DCC: variants seen among roughly 807,000 people sequenced by gnomAD.
DCC encodes DCC netrin 1 receptor.
DCC carries 58 observed loss-of-function variants against 172.5 expected under a neutral mutation model. That is an observed-to-expected ratio of 0.34 (90% confidence interval 0.27 to 0.42). The LOEUF (loss-of-function observed/expected upper bound fraction) is 0.42. DCC is among the 10% of genes least tolerant of loss of function. The pLI is 1.00. For synonymous variants in DCC, 709 were observed against 644.5 expected (o/e 1.10, Z -1.52); for missense variants, 1,740 against 1,791.0 (o/e 0.97, Z 0.51).
intron 1 of DCC, among the ~76,000 whole-genome samples, chr18:52,595,207 A>C (rs983947829): frequency 6.6e-6 from 1 of 152,210 alleles, no homozygotes. Context: ...GATGTTATCG[A>C]CTAACAAGTC....
intron 2 of DCC, among the ~76,000 whole-genome samples, chr18:52,829,116 A>G (rs1331880967): frequency 6.6e-6 from 1 of 152,166 alleles, no homozygotes; most frequent in Non-Finnish European, 1.5e-5. Context: ...TCATTTCCCT[A>G]TTTTATCTGA....
intron 19 of DCC, among the ~76,000 whole-genome samples, chr18:53,406,880 G>T (rs562333474): frequency 1.3e-5 from 2 of 152,100 alleles, no homozygotes; most frequent in East Asian, 1.9e-4. Context: ...GAAGTTGCTT[G>T]TTTTCTCTGA....
chr18:52,753,826 T>G (rs975423187), intron 2 of DCC, among the ~76,000 whole-genome samples: 1 of 152,232 alleles, frequency 6.6e-6, no homozygotes, highest in Non-Finnish European at 1.5e-5. Context: ...TGTTGGCCCC[T>G]GAAATGTTAG....
At chr18:53,199,573 T>C (rs8084239) in intron 9 of DCC, among the ~76,000 whole-genome samples, 70,376 of 150,912 alleles carry the variant, frequency 0.47, 17,277 homozygotes, top group Non-Finnish European at 0.52. Context: ...TCATAATTAA[T>C]GTAAATAATA....
At chr18:52,566,634 AT>A (rs2144750214) in intron 1 of DCC, among the ~76,000 whole-genome samples, 1 of 152,280 alleles carries the variant, frequency 6.6e-6, no homozygotes, top group South Asian at 2.1e-4. Flanking sequence ...AAAAATTAAA[AT>A]TTTAAATTTA....
At chr18:53,145,363 T>G (rs1335360630) in intron 7 of DCC, among the ~76,000 whole-genome samples, 5 of 152,110 alleles carry the variant, frequency 3.3e-5, no homozygotes, top group African/African-American at 1.2e-4. Context: ...TCCGCCCGCC[T>G]CGGCCTCCCG....
chr18:53,484,802 T>A (rs561712031), intron 25 of DCC, among the ~76,000 whole-genome samples: 2 of 152,190 alleles, frequency 1.3e-5, no homozygotes, highest in South Asian at 2.1e-4. Flanking sequence ...ATTTTAAGAT[T>A]TTTTTCTATC....
intron 12 of DCC, among the ~76,000 whole-genome samples, chr18:53,228,601 T>C (rs935273701): frequency 1.3e-4 from 20 of 152,122 alleles, no homozygotes; most frequent in African/African-American, 4.8e-4. Context: ...CTACCTATGA[T>C]AAAGGTAGCA....
At chr18:52,447,269 A>G (rs2144508316) in intron 1 of DCC, among the ~76,000 whole-genome samples, 1 of 152,358 alleles carries the variant, frequency 6.6e-6, no homozygotes, top group South Asian at 2.1e-4. Flanking sequence ...ATCTTCAACA[A>G]GTAGCCAGTG....
At chr18:53,041,109 C>CAT (rs1397502239) in intron 5 of DCC, among the ~76,000 whole-genome samples, 34 of 87,684 alleles carry the variant, frequency 3.9e-4, no homozygotes, top group African/African-American at 1.9e-3. Flanking sequence ...AGTCTTTGCC[C>CAT]GTGCCTAGGT....
chr18:53,289,174 T>C (rs954831118), intron 12 of DCC, among the ~76,000 whole-genome samples: 1 of 152,138 alleles, frequency 6.6e-6, no homozygotes, highest in African/African-American at 2.4e-5. Flanking sequence ...AGATTTGATA[T>C]TTATTCCTTT....
At chr18:52,992,740 C>T (rs536817119) in intron 5 of DCC, among the ~76,000 whole-genome samples, 2 of 152,200 alleles carry the variant, frequency 1.3e-5, no homozygotes, top group Non-Finnish European at 2.9e-5. Flanking sequence ...CTTAAGGAGG[C>T]CAAGGTGGGT....
chr18:53,104,467 G>A (rs1302822157), intron 7 of DCC, among the ~76,000 whole-genome samples: 1 of 151,980 alleles, frequency 6.6e-6, no homozygotes, highest in Non-Finnish European at 1.5e-5. Context: ...GCTCCTCCTT[G>A]CCTTCCACCA....
intron 26 of DCC, among the ~76,000 whole-genome samples, chr18:53,497,869 T>G (rs1598808562): frequency 6.6e-6 from 1 of 152,344 alleles, no homozygotes; most frequent in East Asian, 1.9e-4. Context: ...AATAAGGCAC[T>G]TCTCTTCAAA....
intron 21 of DCC, among the ~76,000 whole-genome samples, chr18:53,419,542 C>CT (rs1389262449): frequency 1.3e-5 from 2 of 151,752 alleles, no homozygotes; most frequent in African/African-American, 2.4e-5. Flanking sequence ...GATTTTTTCC[C>CT]TTTTTTTCTA....
At chr18:53,102,677 G>A (rs1013646930) in intron 7 of DCC, among the ~76,000 whole-genome samples, 5 of 152,026 alleles carry the variant, frequency 3.3e-5, no homozygotes, top group Admixed American at 1.3e-4. Context: ...ATGGGCATAC[G>A]GGCACCAGAT....
In DCC at chr18:52,974,643, A is replaced by C. The variant is rs1044321867; in HGVS notation, c.985+49273A>C. 2.0e-5 allele frequency among the ~76,000 whole-genome samples: 3 copies of C among 152,190 alleles called. No homozygotes were observed. The East Asian group carries it at 5.8e-4, about 29-fold the overall frequency. On this transcript the variant is annotated intron_variant, in intron 5 of 28. Transcript: ENST00000442544. ...AATAGTAACAGTGTTTTCTGAGCCC[A>C]CGTTGTAAGGAGAATCTAAATGATC...
chr18:53,089,637 C>A (rs1456102925), intron 7 of DCC, among the ~76,000 whole-genome samples: 1 of 151,834 alleles, frequency 6.6e-6, no homozygotes, highest in Non-Finnish European at 1.5e-5. Flanking sequence ...TTTATGGGCA[C>A]CTAAAAGTAC....
At chr18:52,533,733 GT>G (rs112529513) in intron 1 of DCC, among the ~76,000 whole-genome samples, 8,780 of 152,180 alleles carry the variant, frequency 0.058, 322 homozygotes, top group Middle Eastern at 0.11. Context: ...GTGAATACAA[GT>G]TTTTATTTAT....
Sources: gnomAD v4.1 joint callset for allele counts (sites outside exome capture counted in the v4.1 genomes callset) on GRCh38, gnomAD v4.1.1 for gene constraint, MANE v1.5 for transcripts, NCBI Gene and HGNC (gene_info 2026-07-23, HGNC 2026-07-21) for gene names.